SIRPA: variants seen among roughly 807,000 people sequenced by gnomAD.
SIRPA encodes signal regulatory protein alpha.
Under a neutral mutation model 50.3 loss-of-function variants are expected in SIRPA, and 9 were observed. The ratio of observed to expected loss-of-function variants is 0.18; its 90% CI spans 0.11 to 0.31. SIRPA has a LOEUF of 0.31. Among genes scored for constraint, SIRPA ranks in the 10% least tolerant of loss-of-function variants. The pLI, the probability that SIRPA is intolerant of heterozygous loss-of-function variation, is 1.00. For synonymous variants in SIRPA, 265 were observed against 284.1 expected (o/e 0.93, Z 0.68); for missense variants, 474 against 661.6 (o/e 0.72, Z 3.11).
In SIRPA at chr20:1,934,833, G is replaced by A. The variant is rs1986484408; in HGVS notation, c.1266+79G>A. On this transcript the variant is annotated intron_variant, in intron 7 of 7. Coordinates refer to ENST00000358771, the MANE Select transcript of SIRPA (RefSeq NM_001040023.2). The surrounding 1 kb of genome is among the most constrained non-coding windows in gnomAD (Gnocchi z 4.6). ...CACATCAACCGGAATTGCAGATCTG[G>A]TTCTAAATTAAGACTCCTTGTGGGG... is the stretch of plus-strand genomic sequence containing the variant. The A allele has an allele frequency of 6.0e-6, 9 of 1,512,302 alleles. No individual in the cohort carries two copies. In the South Asian group the frequency reaches 7.9e-5, roughly 13 times the overall value. 93.7% of individuals were successfully genotyped at this position (1,512,302 alleles called of 1,614,324 possible).
chr20:1,915,863 A>G (rs775805279), intron 2 of SIRPA, among the ~76,000 whole-genome samples: 3 of 152,196 alleles, frequency 2.0e-5, no homozygotes, highest in Admixed American at 2.0e-4. Context: ...CTGAGAACCT[A>G]CTGTGTGCCA....
chr20:1,914,082 G>GA (rs1182607105), intron 1 of SIRPA, among the ~76,000 whole-genome samples: 2 of 152,238 alleles, frequency 1.3e-5, no homozygotes, highest in African/African-American at 4.8e-5. Context: ...GTGTTGGTGA[G>GA]AGTGAAGTTT....
In SIRPA at chr20:1,924,502, C is replaced by T. The variant is rs1369118623; in HGVS notation, c.1088-262C>T. ...GAGTGAGATTTCTGCCTGTATCCTGCAGCAGGGGTTCCTCCGTAGCTGTCA... is the reference window on the plus strand; with the variant it reads ...GAGTGAGATTTCTGCCTGTATCCTGTAGCAGGGGTTCCTCCGTAGCTGTCA... On this transcript the variant is annotated intron_variant, in intron 4 of 7. Transcript: ENST00000358771. This position sits in a 1 kb window ranked among gnomAD's most constrained non-coding sequence, Gnocchi z 4.5. 1.3e-5 allele frequency among the ~76,000 whole-genome samples: 2 copies of T among 152,184 alleles called. No homozygotes were observed. Among genetic ancestry groups the T allele is most frequent in the Admixed American group, 6.5e-5 (1 of 15,282 alleles).
At chr20:1,912,014 C>T (rs187018251) in intron 1 of SIRPA, among the ~76,000 whole-genome samples, 7 of 152,048 alleles carry the variant, frequency 4.6e-5, no homozygotes, top group Admixed American at 1.3e-4. Context: ...TAATATTTGG[C>T]ACTTACGTCG....
In SIRPA at chr20:1,895,529, A is replaced by G; in HGVS notation, c.79+3A>G. On this transcript the variant is annotated splice_donor_region_variant and intron_variant, in intron 1 of 7. Coordinates refer to ENST00000358771, the MANE Select transcript of SIRPA (RefSeq NM_001040023.2). The stretch of plus-strand genomic sequence containing the variant: ...CGCCGCGTCCTGCGCCTGGTCAGGT[A>G]AGCACCCCCCCGCTCCCCACCGCTG... The G allele has an allele frequency of 2.1e-6, 3 of 1,450,708 alleles. No individual in the cohort carries two copies. In the South Asian group the frequency reaches 4.2e-5, roughly 20 times the overall value. 89.9% of individuals were successfully genotyped at this position (1,450,708 alleles called of 1,614,324 possible). A position where few individuals can be genotyped will look rare whatever the true frequency, so the allele number is the denominator to read the frequency against.
intron 1 of SIRPA, among the ~76,000 whole-genome samples, chr20:1,914,111 TG>T (rs1985074593): frequency 6.6e-6 from 1 of 152,208 alleles, no homozygotes; most frequent in African/African-American, 2.4e-5. Flanking sequence ...GCCACCTCCT[TG>T]TTTATTCAAT....
Position 1,928,399 on chromosome 20 carries a change from A to G in SIRPA, c.1226+500A>G, listed in dbSNP as rs1986116874. On this transcript the variant is annotated intron_variant, in intron 6 of 7. Coordinates refer to ENST00000358771, the MANE Select transcript of SIRPA (RefSeq NM_001040023.2). This position sits in a 1 kb window ranked among gnomAD's most constrained non-coding sequence, Gnocchi z 4.9. ...GACGGTGACATTACATCACTGATGT[A>G]CGTCACCGATGGCACTTTAGTTTGT... Among the ~76,000 whole-genome samples the G allele has an allele frequency of 6.6e-6, 1 of 152,208 alleles. No individual in the cohort carries two copies. The highest frequency in any genetic ancestry group is 1.5e-5 in the Non-Finnish European group (1 of 68,040).
At chr20:1,905,527 C>T (rs1256153756) in intron 1 of SIRPA, among the ~76,000 whole-genome samples, 3 of 152,222 alleles carry the variant, frequency 2.0e-5, no homozygotes, top group African/African-American at 7.2e-5. Flanking sequence ...TGTGGCTGTG[C>T]AGCACCAGGG....
Position 1,934,707 on chromosome 20 carries a change from CT to C in SIRPA, c.1227-3del, listed in dbSNP as rs1568515206. On this transcript the variant is annotated splice_polypyrimidine_tract_variant and splice_region_variant and intron_variant, in intron 6 of 7. Transcript: ENST00000358771. This position sits in a 1 kb window ranked among gnomAD's most constrained non-coding sequence, Gnocchi z 4.6. ...GTATTTTTATCTGTGTGTCTCTTTC[CT>C]TTTTAGGTTGCATGAGCCCGAGAAG... is the stretch of plus-strand genomic sequence containing the variant. 1.9e-6 allele frequency: 3 copies of C among 1,613,710 alleles called. No individual in the cohort carries two copies. Among genetic ancestry groups the C allele is most frequent in the Non-Finnish European group, 2.5e-6 (3 of 1,179,874 alleles).
chr20:1,898,785 G>A lies in SIRPA; in HGVS notation c.79+3259G>A, dbSNP rs777661642. Among the ~76,000 whole-genome samples the A allele has an allele frequency of 1.3e-5, 2 of 152,016 alleles. No individual in the cohort carries two copies. Among genetic ancestry groups the A allele is most frequent in the Non-Finnish European group, 2.9e-5 (2 of 68,036 alleles). On this transcript the variant is annotated intron_variant, in intron 1 of 7. Coordinates refer to ENST00000358771, the MANE Select transcript of SIRPA (RefSeq NM_001040023.2). This position sits in a 1 kb window ranked among gnomAD's most constrained non-coding sequence, Gnocchi z 4.3. ...GCAGAAGGTTTTGATGAAGTCACAG[G>A]CATTTCTCTGAAAGCCTGCTGAGGG... is the stretch of plus-strand genomic sequence containing the variant.
rs923943606 is a variant in SIRPA, at chr20:1,906,215, C to G, written c.80-8884C>G. Among the ~76,000 whole-genome samples the G allele has an allele frequency of 3.3e-5, 5 of 152,234 alleles. 1 individual carries two copies. The East Asian group carries it at 9.7e-4, about 29-fold the overall frequency. On this transcript the variant is annotated intron_variant, in intron 1 of 7. Coordinates refer to ENST00000358771, the MANE Select transcript of SIRPA (RefSeq NM_001040023.2). ...GAGTGGGCGAGACATTCCCTGGAGTCTCATGGGTAGCAGAGTTGGAATCCA... is the reference window on the plus strand; with the variant it reads ...GAGTGGGCGAGACATTCCCTGGAGTGTCATGGGTAGCAGAGTTGGAATCCA...
At chr20:1,907,403 A>G (rs936458838) in intron 1 of SIRPA, among the ~76,000 whole-genome samples, 1 of 152,156 alleles carries the variant, frequency 6.6e-6, no homozygotes, top group Admixed American at 6.5e-5. Context: ...TCAGGGCGCT[A>G]GGTTAGCCCA....
Position 1,908,304 on chromosome 20 carries a change from T to C in SIRPA, c.80-6795T>C, listed in dbSNP as rs544513035. 7.9e-5 allele frequency among the ~76,000 whole-genome samples: 12 copies of C among 151,962 alleles called. No homozygotes were observed. The East Asian group carries it at 1.9e-3, about 24-fold the overall frequency. On this transcript the variant is annotated intron_variant, in intron 1 of 7. Transcript: ENST00000358771. ...TCCCTGCTTGTCAATGCACACACCC[T>C]CATAGTCACATTTACGCATACAGCA...
chr20:1,918,630 A>G (rs191351384), intron 2 of SIRPA, among the ~76,000 whole-genome samples: 1 of 152,002 alleles, frequency 6.6e-6, no homozygotes, highest in Non-Finnish European at 1.5e-5. Context: ...TGTTATGAGG[A>G]TGCAATGAGC....
rs1416666357 is a variant in SIRPA at position 1,932,379 on chromosome 20, C to T, written c.1227-2336C>T. 6.6e-6 allele frequency among the ~76,000 whole-genome samples: 1 copy of T among 152,064 alleles called. No homozygotes were observed. Among genetic ancestry groups the T allele is most frequent in the Admixed American group, 6.6e-5 (1 of 15,258 alleles). The stretch of plus-strand genomic sequence containing the variant: ...CACTGAAGGATGAGGAGGTTCCAGC[C>T]AAGGGAATATCTGGGACAAGACTGC... On this transcript the variant is annotated intron_variant, in intron 6 of 7. Coordinates refer to ENST00000358771, the MANE Select transcript of SIRPA (RefSeq NM_001040023.2). This position sits in a 1 kb window ranked among gnomAD's most constrained non-coding sequence, Gnocchi z 6.0.
chr20:1,918,213 T>C (rs1168767244), intron 2 of SIRPA, among the ~76,000 whole-genome samples: 2 of 152,088 alleles, frequency 1.3e-5, no homozygotes, highest in Non-Finnish European at 1.5e-5. Flanking sequence ...TTTCTTTTTT[T>C]TTGAGATGGA....
chr20:1,929,186 G>T (rs529562552), intron 6 of SIRPA, among the ~76,000 whole-genome samples: 1 of 152,196 alleles, frequency 6.6e-6, no homozygotes, highest in Admixed American at 6.5e-5. Context: ...GGAACCAAAA[G>T]ATGGACACGA....
chr20:1,919,454 A>C (rs899406248), intron 2 of SIRPA, among the ~76,000 whole-genome samples: 1 of 152,116 alleles, frequency 6.6e-6, no homozygotes, highest in African/African-American at 2.4e-5. Context: ...TGCACCCGGG[A>C]CAGCTCTTTG....
intron 1 of SIRPA, among the ~76,000 whole-genome samples, chr20:1,912,496 A>T (rs1215752777): frequency 6.6e-6 from 1 of 152,172 alleles, no homozygotes; most frequent in Non-Finnish European, 1.5e-5. Context: ...GCATATTTTT[A>T]TCGATGACAC....
Sources: allele counts gnomAD v4.1 joint callset (sites outside exome capture counted in the v4.1 genomes callset), GRCh38; gene constraint gnomAD v4.1.1; non-coding constraint Gnocchi (gnomAD v3.1); transcripts MANE v1.5; gene names NCBI Gene and HGNC (gene_info 2026-07-23, HGNC 2026-07-21).